The following COL10A1 variants were observed in gnomAD, a reference collection of about 807,000 sequenced individuals.
COL10A1 encodes collagen alpha-1(X) chain.
COL10A1 carries 10 observed loss-of-function variants against 18.2 expected under a neutral mutation model. That is an observed-to-expected ratio of 0.55 (90% CI 0.34 to 0.93). COL10A1 has a LOEUF of 0.93. COL10A1 is among the 40% of genes least tolerant of loss of function. The pLI is 0.02. For missense variants in COL10A1, 897 were observed against 853.5 expected (o/e 1.05, Z -0.64); for synonymous variants, 330 against 316.6 (o/e 1.04, Z -0.45).
chr6:116,153,739 G>A (rs1205865990), intron 1 of COL10A1, among the ~76,000 whole-genome samples: 1 of 152,012 alleles, frequency 6.6e-6, no homozygotes, highest in African/African-American at 2.4e-5. Context: ...TTTCTTACTG[G>A]TTTAGTCATA....
chr6:116,171,424 A>T, the COL10A1 span, among the ~76,000 whole-genome samples: 2 of 152,166 alleles, frequency 1.3e-5, no homozygotes, highest in South Asian at 4.1e-4. Flanking sequence ...TATACTTTAT[A>T]AAAAAAGCCA....
chr6:116,136,581 A>G (rs1019063625), intron 1 of COL10A1, among the ~76,000 whole-genome samples: 6 of 152,188 alleles, frequency 3.9e-5, no homozygotes, highest in Non-Finnish European at 7.3e-5. Context: ...TCCACACCAC[A>G]TAACACTTAC....
At chr6:116,139,309 G>C (rs1779704974) in intron 1 of COL10A1, among the ~76,000 whole-genome samples, 1 of 151,974 alleles carries the variant, frequency 6.6e-6, no homozygotes. Flanking sequence ...GTGTTATTTG[G>C]TACAAATGAT....
chr6:116,126,076 A>G lies in COL10A1; in HGVS notation c.-39T>C, dbSNP rs894251404. ...ACCTGCGTGCTGGGAGTTCCTGGAG[A>G]TGGTGCCTTGGCAGCTTTCTGAAGC... On this transcript the variant is annotated 5_prime_UTR_variant, in exon 1 of 3. Coordinates refer to ENST00000651968, the MANE Select transcript of COL10A1 (RefSeq NM_000493.4). The G allele has an allele frequency of 6.5e-6, 1 of 154,710 alleles. No individual in the cohort carries two copies. Among genetic ancestry groups the G allele is most frequent in the African/African-American group, 2.4e-5 (1 of 41,448 alleles). 9.6% of individuals were successfully genotyped at this position (154,710 alleles called of 1,614,324 possible).
At chr6:116,165,629 C>A in the COL10A1 span, among the ~76,000 whole-genome samples, 23,894 of 152,222 alleles carry the variant, frequency 0.16, 2,025 homozygotes, top group East Asian at 0.26. Flanking sequence ...AGATGACCCC[C>A]CTCTACATCT....
the COL10A1 span, among the ~76,000 whole-genome samples, chr6:116,205,144 A>G: frequency 6.6e-6 from 1 of 152,028 alleles, no homozygotes; most frequent in South Asian, 2.1e-4. Flanking sequence ...CCCCTTCCTC[A>G]TCCCTCTTTT....
At chr6:116,192,990 C>T in the COL10A1 span, among the ~76,000 whole-genome samples, 2 of 151,998 alleles carry the variant, frequency 1.3e-5, no homozygotes, top group Non-Finnish European at 2.9e-5. Flanking sequence ...ATGAGATATA[C>T]TTAGTTTGTC....
chr6:116,130,830 A>G (rs1306920851), upstream of COL10A1, among the ~76,000 whole-genome samples: 1 of 152,012 alleles, frequency 6.6e-6, no homozygotes, highest in African/African-American at 2.4e-5. Context: ...ATTCCATGAT[A>G]CTCACAATTT....
the COL10A1 span, among the ~76,000 whole-genome samples, chr6:116,167,614 T>G: frequency 1.3e-4 from 20 of 152,340 alleles, 1 homozygote; most frequent in Admixed American, 1.3e-3. Flanking sequence ...TTGACAGGCA[T>G]TTTTTACTTC....
intron 1 of COL10A1, among the ~76,000 whole-genome samples, chr6:116,138,233 A>T (rs767133149): frequency 6.6e-6 from 1 of 152,176 alleles, no homozygotes; most frequent in African/African-American, 2.4e-5. Flanking sequence ...ATCTTTAGAG[A>T]TAAAGAATTT....
At chr6:116,203,619 C>G in the COL10A1 span, among the ~76,000 whole-genome samples, 2 of 151,812 alleles carry the variant, frequency 1.3e-5, no homozygotes, top group Non-Finnish European at 2.9e-5. Context: ...ATTTATTCAT[C>G]CTACCCTTGG....
the COL10A1 span, among the ~76,000 whole-genome samples, chr6:116,170,678 A>G: frequency 6.6e-6 from 1 of 152,242 alleles, no homozygotes; most frequent in Admixed American, 6.5e-5. Flanking sequence ...CATAGCATAC[A>G]TAGCCCTGGC....
chr6:116,213,490 C>G, the COL10A1 span, among the ~76,000 whole-genome samples: 1 of 152,096 alleles, frequency 6.6e-6, no homozygotes, highest in Non-Finnish European at 1.5e-5. Flanking sequence ...GTCATTCGCA[C>G]TGCATTCTAT....
At chr6:116,128,569 A>G (rs1169775928), upstream of COL10A1, among the ~76,000 whole-genome samples, 1 of 152,146 alleles carries the variant, frequency 6.6e-6, no homozygotes, top group Non-Finnish European at 1.5e-5. Flanking sequence ...TCATTTGTAC[A>G]TCTGTGGATC....
chr6:116,170,322 A>G, the COL10A1 span, among the ~76,000 whole-genome samples: 1 of 152,112 alleles, frequency 6.6e-6, no homozygotes, highest in Non-Finnish European at 1.5e-5. Context: ...TTTTAATTCA[A>G]AAGAAAGGGT....
chr6:116,161,140 A>G (rs557435546), upstream of COL10A1, among the ~76,000 whole-genome samples: 6 of 143,322 alleles, frequency 4.2e-5, no homozygotes, highest in East Asian at 4.2e-4. Context: ...GAATTGAACA[A>G]TGAGAACACA....
chr6:116,203,022 A>G, the COL10A1 span, among the ~76,000 whole-genome samples: 1 of 151,990 alleles, frequency 6.6e-6, no homozygotes, highest in Non-Finnish European at 1.5e-5. Flanking sequence ...TTTAAATTTA[A>G]TTTAATACAC....
At chr6:116,213,394 C>T in the COL10A1 span, among the ~76,000 whole-genome samples, 1 of 152,074 alleles carries the variant, frequency 6.6e-6, no homozygotes, top group African/African-American at 2.4e-5. Context: ...AGATTGGTTG[C>T]ACATCTTACA....
chr6:116,133,367 A>G (rs1027028882), intron 1 of COL10A1, among the ~76,000 whole-genome samples: 2 of 152,242 alleles, frequency 1.3e-5, no homozygotes, highest in African/African-American at 4.8e-5. Context: ...AGTGTTAATT[A>G]GAGAAGTCAC....
Sources: gnomAD v4.1 joint callset for allele counts (sites outside exome capture counted in the v4.1 genomes callset) on GRCh38, gnomAD v4.1.1 for gene constraint, MANE v1.5 for transcripts, NCBI Gene and HGNC (gene_info 2026-07-23, HGNC 2026-07-21) for gene names.